QTMAN: variants seen among roughly 807,000 people sequenced by gnomAD.
QTMAN encodes tRNA-queuosine alpha-mannosyltransferase.
chr2:143,968,252 T>C, the QTMAN span, among the ~76,000 whole-genome samples: 37 of 152,310 alleles, frequency 2.4e-4, no homozygotes, highest in African/African-American at 8.9e-4. Context: ...GAAGCACGTG[T>C]ATAGACAATA....
the QTMAN span, among the ~76,000 whole-genome samples, chr2:144,260,294 T>A: frequency 2.0e-5 from 3 of 152,124 alleles, no homozygotes; most frequent in Non-Finnish European, 4.4e-5. Flanking sequence ...TCACCTTCAT[T>A]TTTTTCTTAG....
chr2:144,257,432 T>A, the QTMAN span, among the ~76,000 whole-genome samples: 1 of 152,128 alleles, frequency 6.6e-6, no homozygotes, highest in Non-Finnish European at 1.5e-5. Flanking sequence ...ACATTCTTAT[T>A]GTCAATGACC....
At chr2:143,970,890 G>A in the QTMAN span, 1 of 633,298 alleles carries the variant, frequency 1.6e-6, no homozygotes, top group Admixed American at 2.9e-5. Flanking sequence ...TGGTATCCAA[G>A]TGGAGATTTC....
chr2:144,009,314 AT>A, the QTMAN span, among the ~76,000 whole-genome samples: 2 of 152,074 alleles, frequency 1.3e-5, no homozygotes, highest in Non-Finnish European at 2.9e-5. Flanking sequence ...AGAGGTGGAG[AT>A]AGGCTTTCAG....
At chr2:144,156,819 A>G in the QTMAN span, among the ~76,000 whole-genome samples, 2 of 152,074 alleles carry the variant, frequency 1.3e-5, no homozygotes, top group African/African-American at 2.4e-5. Context: ...TTTCTGAGAC[A>G]CACTTTTCTG....
the QTMAN span, among the ~76,000 whole-genome samples, chr2:144,323,720 T>C: frequency 1.3e-5 from 2 of 152,208 alleles, no homozygotes; most frequent in East Asian, 1.9e-4. Flanking sequence ...ATAATAAATA[T>C]ACTAAATATG....
At chr2:144,111,531 G>A in the QTMAN span, among the ~76,000 whole-genome samples, 1 of 152,256 alleles carries the variant, frequency 6.6e-6, no homozygotes, top group African/African-American at 2.4e-5. Context: ...TGGGAACTCT[G>A]CTAGACTCCA....
chr2:144,126,143 T>G, the QTMAN span, among the ~76,000 whole-genome samples: 1 of 152,046 alleles, frequency 6.6e-6, no homozygotes, highest in Non-Finnish European at 1.5e-5. Flanking sequence ...AATATAATTT[T>G]GGCAATACTG....
At chr2:144,179,076 T>A in the QTMAN span, 17 of 378,666 alleles carry the variant, frequency 4.5e-5, no homozygotes, top group Non-Finnish European at 8.9e-5. Context: ...AATACTTACA[T>A]ATAGTCAAGT....
At chr2:144,032,435 C>G in the QTMAN span, among the ~76,000 whole-genome samples, 2 of 152,064 alleles carry the variant, frequency 1.3e-5, no homozygotes, top group Admixed American at 1.3e-4. Context: ...AAACCCTAGC[C>G]AAAATGAAAA....
At chr2:144,126,594 G>T in the QTMAN span, among the ~76,000 whole-genome samples, 1 of 151,932 alleles carries the variant, frequency 6.6e-6, no homozygotes, top group Non-Finnish European at 1.5e-5. Context: ...AATTTTAAGT[G>T]AAACAATACA....
chr2:144,065,556 G>C, the QTMAN span, among the ~76,000 whole-genome samples: 3 of 152,110 alleles, frequency 2.0e-5, no homozygotes, highest in African/African-American at 7.2e-5. Flanking sequence ...TTAAGTTCTA[G>C]TAGCCACTCC....
At chr2:144,209,601 T>C in the QTMAN span, among the ~76,000 whole-genome samples, 23 of 152,204 alleles carry the variant, frequency 1.5e-4, no homozygotes, top group African/African-American at 5.3e-4. Context: ...ACTAAAGACA[T>C]GATAAAATTT....
chr2:144,010,070 A>AG, the QTMAN span, among the ~76,000 whole-genome samples: 8 of 150,790 alleles, frequency 5.3e-5, no homozygotes, highest in Non-Finnish European at 1.2e-4. Flanking sequence ...ACCAAAAAAA[A>AG]AAAAAAAAGA....
chr2:144,167,622 A>T, the QTMAN span, among the ~76,000 whole-genome samples: 1 of 151,996 alleles, frequency 6.6e-6, no homozygotes, highest in Admixed American at 6.6e-5. Context: ...CTCTGCTTGC[A>T]CTTACTCCTT....
the QTMAN span, among the ~76,000 whole-genome samples, chr2:144,285,590 C>T: frequency 2.9e-3 from 443 of 152,278 alleles, no homozygotes; most frequent in African/African-American, 0.01. Context: ...TTTTTCAGTA[C>T]ACCTAATGTA....
At chr2:144,174,286 T>C in the QTMAN span, among the ~76,000 whole-genome samples, 10,317 of 152,178 alleles carry the variant, frequency 0.068, 618 homozygotes, top group African/African-American at 0.16. Context: ...CAGACCACTC[T>C]GGATTCCTCC....
chr2:144,055,424 T>A, the QTMAN span, among the ~76,000 whole-genome samples: 2 of 150,476 alleles, frequency 1.3e-5, no homozygotes, highest in African/African-American at 2.4e-5. Context: ...TTTTTTTAGG[T>A]AATTAAAAAA....
At chr2:144,301,046 G>T in the QTMAN span, among the ~76,000 whole-genome samples, 1 of 151,870 alleles carries the variant, frequency 6.6e-6, no homozygotes, top group South Asian at 2.1e-4. Flanking sequence ...AAGAAAATGG[G>T]TTTTTTTCCT....
Sources: allele counts gnomAD v4.1 joint callset (sites outside exome capture counted in the v4.1 genomes callset), GRCh38; gene constraint gnomAD v4.1.1; transcripts MANE v1.5; gene names NCBI Gene and HGNC (gene_info 2026-07-23, HGNC 2026-07-21).